The following GPC6 variants were observed in gnomAD, a reference collection of about 807,000 sequenced individuals.
GPC6 encodes the protein glypican-6.
GPC6 carries 14 observed loss-of-function variants against 55.2 expected under a neutral mutation model. The ratio of observed to expected loss-of-function variants is 0.25; its 90% CI spans 0.17 to 0.40. The LOEUF (loss-of-function observed/expected upper bound fraction) is 0.40, where lower values mean the gene tolerates loss of function less well. GPC6 is among the 10% of genes least tolerant of loss of function. The pLI is 1.00. For missense variants in GPC6, 641 were observed against 708.5 expected (o/e 0.90, Z 1.08); for synonymous variants, 278 against 259.6 (o/e 1.07, Z -0.68).
chr13:94,315,361 G>T (rs910324252), intron 6 of GPC6, among the ~76,000 whole-genome samples: 1 of 152,210 alleles, frequency 6.6e-6, no homozygotes, highest in African/African-American at 2.4e-5. Context: ...TGTTCATTAT[G>T]CATTGGCTGT....
chr13:93,810,077 A>C (rs1411504), intron 2 of GPC6, among the ~76,000 whole-genome samples: 57,786 of 151,506 alleles, frequency 0.38, 11,989 homozygotes, highest in African/African-American at 0.55. Context: ...TTCCCTACGC[A>C]TATTGTCTCA....
At chr13:93,731,984 A>C (rs186449310) in intron 2 of GPC6, among the ~76,000 whole-genome samples, 61 of 152,326 alleles carry the variant, frequency 4.0e-4, no homozygotes, top group Non-Finnish European at 2.4e-4. Context: ...ACCTTCACAC[A>C]ATAGATGTGA....
intron 5 of GPC6, among the ~76,000 whole-genome samples, chr13:94,291,291 A>G (rs9524408): frequency 0.092 from 14,004 of 152,166 alleles, 1,513 homozygotes; most frequent in African/African-American, 0.26. Flanking sequence ...CAAAAAAATG[A>G]CAGAAACAAA....
chr13:93,859,789 A>C (rs1888750492), intron 3 of GPC6, among the ~76,000 whole-genome samples: 1 of 151,566 alleles, frequency 6.6e-6, no homozygotes, highest in South Asian at 2.1e-4. Flanking sequence ...TGACTGACTG[A>C]CTCATGCCCT....
intron 2 of GPC6, among the ~76,000 whole-genome samples, chr13:93,826,004 G>A (rs914016976): frequency 5.9e-5 from 9 of 151,886 alleles, no homozygotes; most frequent in African/African-American, 2.2e-4. Context: ...GGGACTACAG[G>A]TGCCCACCAC....
chr13:93,375,112 C>T (rs1874831634), intron 1 of GPC6, among the ~76,000 whole-genome samples: 1 of 152,140 alleles, frequency 6.6e-6, no homozygotes, highest in South Asian at 2.1e-4. Context: ...TTAAAAATAG[C>T]TCCTCTCCAA....
intron 3 of GPC6, among the ~76,000 whole-genome samples, chr13:93,971,783 A>G (rs1435647027): frequency 1.3e-5 from 2 of 152,212 alleles, no homozygotes; most frequent in East Asian, 3.9e-4. Context: ...TAGAAATAAG[A>G]AAGGCCAGAG....
At chr13:93,880,427 A>C (rs1237626286) in intron 3 of GPC6, among the ~76,000 whole-genome samples, 1 of 152,132 alleles carries the variant, frequency 6.6e-6, no homozygotes, top group Non-Finnish European at 1.5e-5. Flanking sequence ...GACATGGATG[A>C]AATTGGAAAT....
intron 2 of GPC6, among the ~76,000 whole-genome samples, chr13:93,737,187 A>G (rs1661105783): frequency 6.6e-6 from 1 of 152,186 alleles, no homozygotes; most frequent in African/African-American, 2.4e-5. Flanking sequence ...AGTTGAACAA[A>G]CAACTATTTG....
At chr13:94,220,740 T>C (rs531526437) in intron 4 of GPC6, among the ~76,000 whole-genome samples, 3 of 152,176 alleles carry the variant, frequency 2.0e-5, no homozygotes, top group African/African-American at 7.2e-5. Flanking sequence ...ACCTGAATAT[T>C]CACATGGCAT....
chr13:93,280,736 A>G (rs1002319759), intron 1 of GPC6, among the ~76,000 whole-genome samples: 2 of 152,234 alleles, frequency 1.3e-5, no homozygotes, highest in African/African-American at 4.8e-5. Flanking sequence ...TTTGGCACCC[A>G]GGGACCAGTT....
At chr13:93,467,575 C>CTTTTTTTTT (rs11426472) in intron 1 of GPC6, among the ~76,000 whole-genome samples, 15 of 74,016 alleles carry the variant, frequency 2.0e-4, no homozygotes, top group East Asian at 4.4e-4. Context: ...AGCTGTGATT[C>CTTTTTTTTT]TTTTTTTTTT....
At chr13:94,385,162 C>T (rs1880346725) in intron 7 of GPC6, among the ~76,000 whole-genome samples, 1 of 152,012 alleles carries the variant, frequency 6.6e-6, no homozygotes, top group Admixed American at 6.6e-5. Flanking sequence ...ATCGCTTGAA[C>T]CCAGGAAAAG....
At chr13:93,838,611 T>C (rs1887830865) in intron 3 of GPC6, among the ~76,000 whole-genome samples, 2 of 152,162 alleles carry the variant, frequency 1.3e-5, no homozygotes, top group African/African-American at 4.8e-5. Context: ...TGGTTATTTT[T>C]TCACTTAAGA....
At chr13:94,177,205 T>G (rs1217795595) in intron 4 of GPC6, among the ~76,000 whole-genome samples, 1 of 152,170 alleles carries the variant, frequency 6.6e-6, no homozygotes, top group Admixed American at 6.5e-5. Context: ...AATTTCAACA[T>G]GTAAGAGAAC....
chr13:94,202,565 A>G (rs903708690), intron 4 of GPC6, among the ~76,000 whole-genome samples: 5 of 152,206 alleles, frequency 3.3e-5, no homozygotes, highest in African/African-American at 7.2e-5. Context: ...TGATTCAATT[A>G]TCTCCCACCG....
intron 3 of GPC6, among the ~76,000 whole-genome samples, chr13:93,974,167 G>A (rs1365339732): frequency 6.6e-6 from 1 of 152,204 alleles, no homozygotes; most frequent in Admixed American, 6.5e-5. Context: ...CACACAGACA[G>A]TTTCTCTGAA....
At chr13:94,352,976 AGTGCTTTT>A (rs767692408) in intron 6 of GPC6, among the ~76,000 whole-genome samples, 18 of 152,194 alleles carry the variant, frequency 1.2e-4, no homozygotes, top group Admixed American at 6.5e-5. Flanking sequence ...GGAAAACACA[AGTGCTTTT>A]CTCTTGGTCT....
At chr13:93,649,427 G>A (rs1162339938) in intron 2 of GPC6, among the ~76,000 whole-genome samples, 1 of 152,168 alleles carries the variant, frequency 6.6e-6, no homozygotes, top group Non-Finnish European at 1.5e-5. Flanking sequence ...TCCAGCCTGA[G>A]CGACAGAGTG....
Sources: allele counts gnomAD v4.1 joint callset (sites outside exome capture counted in the v4.1 genomes callset), GRCh38; gene constraint gnomAD v4.1.1; transcripts MANE v1.5; gene names NCBI Gene and HGNC (gene_info 2026-07-23, HGNC 2026-07-21).